Variants in PPP6R3 observed in about 807,000 individuals in gnomAD.
The protein encoded by PPP6R3 is serine/threonine-protein phosphatase 6 regulatory subunit 3.
Under a neutral mutation model 110.7 loss-of-function variants are expected in PPP6R3, and 38 were observed. That is an observed-to-expected ratio of 0.34 (90% CI 0.26 to 0.45). The LOEUF is 0.45. Ranked by LOEUF, PPP6R3 falls within the 20% of genes least tolerant of loss-of-function variation. The pLI is 1.00. For missense variants in PPP6R3, 870 were observed against 1,062.4 expected (o/e 0.82, Z 2.52); for synonymous variants, 369 against 373.5 (o/e 0.99, Z 0.14).
chr11:68,560,894 CTTT>C (rs11295490), intron 8 of PPP6R3, among the ~76,000 whole-genome samples: 2 of 117,868 alleles, frequency 1.7e-5, no homozygotes, highest in Non-Finnish European at 1.7e-5. Flanking sequence ...TTCCTTATAC[CTTT>C]TTTTTTTTTT....
intron 14 of PPP6R3, among the ~76,000 whole-genome samples, chr11:68,577,760 T>C (rs1340805758): frequency 1.3e-5 from 2 of 152,202 alleles, no homozygotes; most frequent in Non-Finnish European, 2.9e-5. Flanking sequence ...CCTGGTAGAC[T>C]GTGTTAGAAA....
chr11:68,597,338 C>A (rs550709811), intron 19 of PPP6R3, among the ~76,000 whole-genome samples: 1 of 152,154 alleles, frequency 6.6e-6, no homozygotes, highest in Non-Finnish European at 1.5e-5. Flanking sequence ...ATGCCCAGAA[C>A]GTGCTGTTTT....
intron 1 of PPP6R3, among the ~76,000 whole-genome samples, chr11:68,468,997 A>G (rs2098769553): frequency 6.6e-6 from 1 of 152,190 alleles, no homozygotes. Context: ...TTAACAGATG[A>G]TTGGATCTTT....
At chr11:68,508,334 G>A (rs1230811768) in intron 1 of PPP6R3, among the ~76,000 whole-genome samples, 3 of 151,762 alleles carry the variant, frequency 2.0e-5, no homozygotes, top group Admixed American at 2.0e-4. Context: ...GTTTCACCAC[G>A]TTGGCCAGGC....
chr11:68,462,748 G>A (rs747161772), intron 1 of PPP6R3, among the ~76,000 whole-genome samples: 4 of 152,094 alleles, frequency 2.6e-5, no homozygotes, highest in Non-Finnish European at 5.9e-5. Flanking sequence ...CCGCTTGCCC[G>A]ATACTCTCCT....
intron 1 of PPP6R3, among the ~76,000 whole-genome samples, chr11:68,513,068 C>A (rs984912038): frequency 2.0e-5 from 3 of 151,954 alleles, no homozygotes; most frequent in Non-Finnish European, 4.4e-5. Context: ...ACCAGCAGCC[C>A]CCTTGGGTCC....
chr11:68,583,186 G>A (rs902039441), intron 15 of PPP6R3, 57 bp downstream of exon 15: 1 of 1,307,508 alleles, frequency 7.6e-7, no homozygotes, highest in African/African-American at 1.5e-5. Flanking sequence ...TAGTTTAGTT[G>A]CCTTTTATGA....
At chr11:68,491,485 A>G (rs2098983968) in intron 1 of PPP6R3, among the ~76,000 whole-genome samples, 2 of 151,964 alleles carry the variant, frequency 1.3e-5, no homozygotes, top group Admixed American at 1.3e-4. Context: ...CTAGGACTAC[A>G]GTCAGACACC....
intron 20 of PPP6R3, among the ~76,000 whole-genome samples, 176 bp downstream of exon 20, chr11:68,600,670 C>T (rs2099629121): frequency 6.6e-6 from 1 of 152,180 alleles, no homozygotes; most frequent in African/African-American, 2.4e-5. Context: ...GAACAATCAC[C>T]ATCTTCCTTT....
At chr11:68,592,621 A>G (rs2099598975) in intron 18 of PPP6R3, among the ~76,000 whole-genome samples, 1 of 152,176 alleles carries the variant, frequency 6.6e-6, no homozygotes, top group Non-Finnish European at 1.5e-5. Flanking sequence ...GGAGTTGAAT[A>G]AGGCTGTTAG....
At chr11:68,532,924 G>T (rs1038287129) in intron 2 of PPP6R3, among the ~76,000 whole-genome samples, 2 of 152,218 alleles carry the variant, frequency 1.3e-5, no homozygotes, top group African/African-American at 4.8e-5. Flanking sequence ...TTTGCACAAC[G>T]ACGAAGTCAC....
At position 68,571,067 on chromosome 11, in the gene PPP6R3, C is replaced by G; in HGVS notation, c.1306C>G (p.Arg436Gly). 2 of 1,580,422 alleles carry G rather than the reference C, an allele frequency of 1.3e-6. No individual in the cohort carries two copies. Among genetic ancestry groups the G allele is most frequent in the South Asian group, 1.2e-5 (1 of 84,886 alleles). ...TTTCCAAAAATGTCAATTAATAGAA[C>G]GAATACTTGAAGCCTGGGAAATGAA... is the stretch of plus-strand genomic sequence containing the variant. ...HLFQKCQLIE[R>G]ILEAWEMNEK... The change falls in exon 12 of 24, where the codon CGA (arginine) becomes GGA (glycine). Residue 436 changes from arginine to glycine, a missense_variant. Arg to Gly is a moderately radical substitution (Grantham distance 125). Coordinates refer to ENST00000393800, the MANE Select transcript of PPP6R3 (RefSeq NM_001164161.2).
intron 22 of PPP6R3, 165 bp from the exon 23 acceptor site, chr11:68,609,739 C>T: frequency 6.4e-7 from 1 of 1,554,452 alleles, no homozygotes; most frequent in Non-Finnish European, 8.9e-7. Flanking sequence ...TCCCCAGTCA[C>T]TGTCTGTGGT....
At chr11:68,543,006 T>C (rs571618952) in intron 3 of PPP6R3, among the ~76,000 whole-genome samples, 2 of 152,180 alleles carry the variant, frequency 1.3e-5, no homozygotes, top group East Asian at 1.9e-4. Context: ...CAACCCACTC[T>C]AGCAGCATTC....
chr11:68,496,744 T>A (rs2153460708), intron 1 of PPP6R3, among the ~76,000 whole-genome samples: 1 of 152,270 alleles, frequency 6.6e-6, no homozygotes, highest in East Asian at 1.9e-4. Context: ...GTACTGGGAT[T>A]ACAATTACAG....
intron 1 of PPP6R3, among the ~76,000 whole-genome samples, chr11:68,485,142 GT>G (rs1264496466): frequency 6.6e-6 from 1 of 151,456 alleles, no homozygotes; most frequent in Non-Finnish European, 1.5e-5. Flanking sequence ...TTTTGGATAT[GT>G]TAATATAAAT....
chr11:68,587,863 G>T, intron 15 of PPP6R3, 64 bp from the exon 16 acceptor site: 1 of 1,327,934 alleles, frequency 7.5e-7, no homozygotes, highest in African/African-American at 1.4e-5. Context: ...ACACAAATGG[G>T]CAAATAGTAT....
chr11:68,508,121 C>CTTTTTTTTTTTTTTTTTTTTTTTTT (rs748376581), intron 1 of PPP6R3, among the ~76,000 whole-genome samples: 1 of 77,620 alleles, frequency 1.3e-5, no homozygotes, highest in African/African-American at 6.1e-5. Context: ...GTTTTTTGGC[C>CTTTTTTTTTTTTTTTTTTTTTTTTT]TTTTTTTTTT....
intron 23 of PPP6R3, among the ~76,000 whole-genome samples, chr11:68,610,309 T>C (rs1213696515): frequency 6.6e-6 from 1 of 152,164 alleles, no homozygotes; most frequent in Non-Finnish European, 1.5e-5. Context: ...AGGGGTCTCC[T>C]CACCCTTGTT....
Sources: allele counts gnomAD v4.1 joint callset (sites outside exome capture counted in the v4.1 genomes callset), GRCh38; gene constraint gnomAD v4.1.1; transcripts MANE v1.5; gene names NCBI Gene and HGNC (gene_info 2026-07-23, HGNC 2026-07-21).